The following RPTOR variants were observed in gnomAD, a reference collection of about 807,000 sequenced individuals.
The protein encoded by RPTOR is regulatory associated protein of MTOR complex 1.
In RPTOR, 21 loss-of-function variants were observed where a neutral mutation model predicts 169.9. The ratio of observed to expected loss-of-function variants is 0.12; its 90% CI spans 0.09 to 0.18. The LOEUF is 0.18. Ranked by LOEUF, RPTOR falls within the 10% of genes least tolerant of loss-of-function variation. The pLI, the probability that RPTOR is intolerant of heterozygous loss-of-function variation, is 1.00. For synonymous variants in RPTOR, 732 were observed against 753.2 expected (o/e 0.97, Z 0.46); for missense variants, 1,133 against 1,855.9 (o/e 0.61, Z 7.16).
In RPTOR at chr17:80,957,112, A is replaced by C. The variant is rs986367269; in HGVS notation, c.3371-512A>C. Among the ~76,000 whole-genome samples the C allele has an allele frequency of 1.4e-5, 2 of 148,120 alleles. No homozygotes were observed. The highest frequency in any genetic ancestry group is 5.0e-5 in the African/African-American group (2 of 39,678). ...CTGGACTTGGGAGTTCCAGCTTAGA[A>C]CTGTCACCCCGGCCTGGACTTGGGA... is the stretch of plus-strand genomic sequence containing the variant. On this transcript the variant is annotated intron_variant, in intron 28 of 33. Transcript: ENST00000306801. This position sits in a 1 kb window ranked among gnomAD's most constrained non-coding sequence, Gnocchi z 4.6.
chr17:80,554,139 C>T (rs1233611552), intron 1 of RPTOR, among the ~76,000 whole-genome samples: 1 of 152,062 alleles, frequency 6.6e-6, no homozygotes, highest in Non-Finnish European at 1.5e-5. Flanking sequence ...GATCCTCCTG[C>T]CTCAGCCTCC....
rs536196387 is a variant in RPTOR at position 80,601,555 on chromosome 17, C to CTTT, written c.163-24121_163-24119dup. 2.2e-4 allele frequency among the ~76,000 whole-genome samples: 4 copies of CTTT among 17,994 alleles called. 1 individual carries two copies. The highest frequency in any genetic ancestry group is 3.2e-3 in the East Asian group (2 of 634). 11.8% of individuals were successfully genotyped at this position (17,994 alleles called of 152,430 possible). ...CTGCTGTTGGTGAAGATGGTTCAGT[C>CTTT]TTTTTTTTTTTTTTTTTAAATTTAT... On this transcript the variant is annotated intron_variant, in intron 1 of 33. Transcript: ENST00000306801.
At chr17:80,884,902 A>G in intron 16 of RPTOR, 106 bp from the exon 17 acceptor site, 1 of 1,413,802 alleles carries the variant, frequency 7.1e-7, no homozygotes, top group Non-Finnish European at 9.5e-7. Context: ...GCTGTTGAGC[A>G]AGCGCCTGTG....
intron 4 of RPTOR, among the ~76,000 whole-genome samples, chr17:80,710,749 T>C (rs948420009): frequency 6.6e-6 from 1 of 152,208 alleles, no homozygotes; most frequent in East Asian, 1.9e-4. Context: ...GCATGGCTTA[T>C]TCAGTTTGCA....
intron 3 of RPTOR, among the ~76,000 whole-genome samples, chr17:80,649,365 G>T (rs2065621952): frequency 6.6e-6 from 1 of 152,178 alleles, no homozygotes; most frequent in South Asian, 2.1e-4. Context: ...GTGCGGCCCT[G>T]ATGCCATTAC....
chr17:80,580,947 G>A (rs2065008484), intron 1 of RPTOR, among the ~76,000 whole-genome samples: 2 of 140,476 alleles, frequency 1.4e-5, no homozygotes, highest in Admixed American at 8.1e-5. Context: ...TTTCATACTA[G>A]GTGAATCTGT....
At chr17:80,701,848 C>A (rs1406799811) in intron 3 of RPTOR, among the ~76,000 whole-genome samples, 7 of 152,128 alleles carry the variant, frequency 4.6e-5, no homozygotes, top group Non-Finnish European at 7.4e-5. Context: ...GGGATTTTGT[C>A]AAAGGGGAAG....
chr17:80,920,607 C>T (rs984421413), intron 21 of RPTOR, among the ~76,000 whole-genome samples: 3 of 152,236 alleles, frequency 2.0e-5, no homozygotes, highest in African/African-American at 7.2e-5. Flanking sequence ...CGCTTCCGTG[C>T]AGGGTGGCAA....
rs1437816648 is a variant in RPTOR at position 80,726,329 on chromosome 17, GA to G, written c.508-4230del. Among the ~76,000 whole-genome samples, 3 of 152,190 alleles carry G rather than the reference GA, an allele frequency of 2.0e-5. No individual in the cohort carries two copies. The East Asian group carries it at 5.8e-4, about 29-fold the overall frequency. Reference sequence around the variant, plus strand: ...GGTGGAGATGGTCCAGCCCCAGCAGGACTGGGCCACGAGGACCCTGCCGGTA... The same window carrying G: ...GGTGGAGATGGTCCAGCCCCAGCAGGCTGGGCCACGAGGACCCTGCCGGTA... On this transcript the variant is annotated intron_variant, in intron 4 of 33. Coordinates refer to ENST00000306801, the MANE Select transcript of RPTOR (RefSeq NM_020761.3). The surrounding 1 kb of genome is among the most constrained non-coding windows in gnomAD (Gnocchi z 4.5).
intron 6 of RPTOR, among the ~76,000 whole-genome samples, chr17:80,767,691 G>A (rs1183283443): frequency 6.6e-6 from 1 of 152,150 alleles, no homozygotes; most frequent in South Asian, 2.1e-4. Flanking sequence ...ACCATATTAA[G>A]TTGCTGTCCC....
chr17:80,817,249 A>G (rs532121690), intron 7 of RPTOR, among the ~76,000 whole-genome samples: 62 of 152,202 alleles, frequency 4.1e-4, no homozygotes, highest in African/African-American at 1.5e-3. Flanking sequence ...GGCCAAATTC[A>G]AGCCCCCGTC....
chr17:80,676,981 A>G (rs768738369), intron 3 of RPTOR, among the ~76,000 whole-genome samples: 23 of 152,172 alleles, frequency 1.5e-4, no homozygotes, highest in Non-Finnish European at 2.8e-4. Context: ...AAACCCAAAC[A>G]TATAGAAAGG....
rs548409186 is a variant in RPTOR at position 80,883,477 on chromosome 17, C to T, written c.1643C>T (p.Thr548Met). 42 of 1,614,038 alleles carry T rather than the reference C, an allele frequency of 2.6e-5. No homozygotes were observed. Among genetic ancestry groups the T allele is most frequent in the East Asian group, 2.0e-4 (9 of 44,876 alleles). ...GCCGTGATCGTCAACAGCTATCACA[C>T]GGGGCAGGTGAGCCCCCCAGCCACC... ...ILAVIVNSYHTGQEACLQGNL... is the reference protein window; with the variant it reads ...ILAVIVNSYHMGQEACLQGNL... The change falls in exon 15 of 34, where the codon ACG becomes ATG. Residue 548 changes from threonine (T) to methionine (M), a missense_variant. Physicochemically the swap from Thr to Met is moderately conservative, Grantham distance 81 (BLOSUM62 -1). This residue lies in a region of RPTOR where 289 missense variants were observed against 585.8 expected (regional missense o/e 0.49). Coordinates refer to ENST00000306801, the MANE Select transcript of RPTOR (RefSeq NM_020761.3).
intron 1 of RPTOR, among the ~76,000 whole-genome samples, chr17:80,548,264 G>T (rs372579227): frequency 2.0e-5 from 3 of 150,430 alleles, no homozygotes; most frequent in Non-Finnish European, 4.4e-5. Flanking sequence ...GAGTCTCACT[G>T]TGTTGCCCAG....
At chr17:80,919,860 C>T (rs2068723836) in intron 21 of RPTOR, among the ~76,000 whole-genome samples, 1 of 152,252 alleles carries the variant, frequency 6.6e-6, no homozygotes, top group African/African-American at 2.4e-5. Context: ...ACGCAGACCT[C>T]CCTAGAGGGC....
At chr17:80,635,441 G>C (rs2065498356) in intron 2 of RPTOR, among the ~76,000 whole-genome samples, 1 of 152,204 alleles carries the variant, frequency 6.6e-6, no homozygotes, top group Non-Finnish European at 1.5e-5. Flanking sequence ...GGCCTGGTCA[G>C]CCGAGGGAAG....
chr17:80,917,405 C>A (rs1335123245), intron 21 of RPTOR, among the ~76,000 whole-genome samples: 2 of 152,188 alleles, frequency 1.3e-5, no homozygotes, highest in Admixed American at 1.3e-4. Flanking sequence ...TGAGCCACTG[C>A]ACCCGGCCAT....
Position 80,880,497 on chromosome 17 carries a change from C to T in RPTOR, c.1584+8C>T, listed in dbSNP as rs149784649. 93 of 1,613,026 alleles carry T rather than the reference C, an allele frequency of 5.8e-5. No homozygotes were observed. In the East Asian group the frequency reaches 7.6e-4, roughly 13 times the overall value. On this transcript the variant is annotated splice_region_variant and intron_variant, in intron 14 of 33. Coordinates refer to ENST00000306801, the MANE Select transcript of RPTOR (RefSeq NM_020761.3). Reference sequence around the variant, plus strand: ...GCGGACCCCTACATGCCAGTAAGGACGGGGCAGCACGCTCTCCACGGGCTT... The same window carrying T: ...GCGGACCCCTACATGCCAGTAAGGATGGGGCAGCACGCTCTCCACGGGCTT...
rs1033173034 is a variant in RPTOR at position 80,965,789 on chromosome 17, G to A, written c.*1459G>A. The A allele has an allele frequency of 4.3e-6, 1 of 233,312 alleles. No homozygotes were observed. The highest frequency in any genetic ancestry group is 5.6e-5 in the Admixed American group (1 of 17,792). 14.5% of individuals were successfully genotyped at this position (233,312 alleles called of 1,614,324 possible). A position where few individuals can be genotyped will look rare whatever the true frequency, so the allele number is the denominator to read the frequency against. On this transcript the variant is annotated 3_prime_UTR_variant, in exon 34 of 34. Transcript: ENST00000306801. ...TGGAGACTGAGCTGGGGCTGGCCGG[G>A]ACGTGACAAGGCAGGACAGAGGCGG...
Sources: gnomAD v4.1 joint callset for allele counts (sites outside exome capture counted in the v4.1 genomes callset) on GRCh38, gnomAD v4.1.1 for gene constraint, gnomAD v4.1.1 regional missense constraint, Gnocchi (gnomAD v3.1) non-coding constraint, MANE v1.5 for transcripts, NCBI Gene and HGNC (gene_info 2026-07-23, HGNC 2026-07-21) for gene names.